Variants in IMMP2L observed in about 807,000 individuals in gnomAD.
IMMP2L encodes the protein inner mitochondrial membrane peptidase subunit 2.
In IMMP2L, 18 loss-of-function variants were observed where a neutral mutation model predicts 19.3. The ratio of observed to expected loss-of-function variants is 0.93; its 90% confidence interval spans 0.64 to 1.38. The LOEUF is 1.38. IMMP2L is among the 40% of genes most tolerant of loss of function. The probability of loss-of-function intolerance (pLI) is 0.00; values close to 1 mark genes in which losing one functional copy is unlikely to be tolerated. For synonymous variants in IMMP2L, 76 were observed against 73.0 expected, an observed-to-expected ratio of 1.04 and a Z score of -0.21; for missense variants, 233 against 218.2, an observed-to-expected ratio of 1.07 and a Z score of -0.43.
intron 3 of IMMP2L, among the ~76,000 whole-genome samples, chr7:111,278,138 G>T (rs1819304031): frequency 6.6e-6 from 1 of 152,058 alleles, no homozygotes; most frequent in South Asian, 2.1e-4. Flanking sequence ...CTCAATATTT[G>T]GGTGATGGGT....
At chr7:110,768,908 G>A (rs1798850689) in intron 5 of IMMP2L, among the ~76,000 whole-genome samples, 2 of 152,158 alleles carry the variant, frequency 1.3e-5, no homozygotes. Flanking sequence ...CTGAATAAAT[G>A]AAGGAGTTTT....
At chr7:111,405,977 A>G (rs1833872675) in intron 3 of IMMP2L, among the ~76,000 whole-genome samples, 1 of 152,064 alleles carries the variant, frequency 6.6e-6, no homozygotes, top group Non-Finnish European at 1.5e-5. Context: ...AAAAATTGCC[A>G]ATCTCTGTCT....
intron 3 of IMMP2L, among the ~76,000 whole-genome samples, chr7:111,475,824 C>T (rs1020613845): frequency 6.6e-6 from 1 of 152,134 alleles, no homozygotes; most frequent in Non-Finnish European, 1.5e-5. Flanking sequence ...ATTGCAACTA[C>T]AGACATAATC....
intron 5 of IMMP2L, among the ~76,000 whole-genome samples, chr7:110,681,250 T>C (rs1792694358): frequency 6.6e-6 from 1 of 152,098 alleles, no homozygotes; most frequent in African/African-American, 2.4e-5. Context: ...AACCTATTAC[T>C]GGCTCTTAAT....
At chr7:111,499,447 C>A (rs190336653) in intron 2 of IMMP2L, among the ~76,000 whole-genome samples, 1 of 152,074 alleles carries the variant, frequency 6.6e-6, no homozygotes, top group African/African-American at 2.4e-5. Context: ...GGATTCATAT[C>A]CGTTAATTCA....
intron 5 of IMMP2L, among the ~76,000 whole-genome samples, chr7:110,706,873 G>T (rs372632957): frequency 6.6e-6 from 1 of 151,186 alleles, no homozygotes; most frequent in Non-Finnish European, 1.5e-5. Flanking sequence ...GTCAATTTTT[G>T]TTTTTGCTGT....
chr7:111,172,910 G>C (rs1161429568), intron 3 of IMMP2L, among the ~76,000 whole-genome samples: 2 of 151,546 alleles, frequency 1.3e-5, no homozygotes, highest in African/African-American at 2.4e-5. Flanking sequence ...ATGGTATAAT[G>C]GTGGAAAAAC....
Position 111,292,003 on chromosome 7 carries a change from G to T in IMMP2L, c.239+195235C>A, listed in dbSNP as rs377745223. Among the ~76,000 whole-genome samples, 34 of 152,218 alleles carry T rather than the reference G, an allele frequency of 2.2e-4. No homozygotes were observed. In the South Asian group the frequency reaches 5.4e-3, roughly 24 times the overall value. The stretch of plus-strand genomic sequence containing the variant: ...ACTGTGGTGATTTAAGCTCTTTCTT[G>T]CCTGTCCCCCTGCAGTGAAGAAAGA... On this transcript the variant is annotated intron_variant, in intron 3 of 5. Transcript: ENST00000405709.
At chr7:111,531,579 T>C (rs1235882177) in intron 1 of IMMP2L, among the ~76,000 whole-genome samples, 1 of 152,152 alleles carries the variant, frequency 6.6e-6, no homozygotes, top group East Asian at 1.9e-4. Context: ...AAAAATCCTA[T>C]TAAATGATAA....
chr7:111,402,862 G>GT (rs11435412), intron 3 of IMMP2L, among the ~76,000 whole-genome samples: 152,216 of 152,216 alleles, frequency 1, 76,108 homozygotes, highest in Non-Finnish European at 1. Flanking sequence ...TGCCTTCATA[G>GT]TCCACGAACA....
At chr7:111,321,206 G>T (rs112174631) in intron 3 of IMMP2L, among the ~76,000 whole-genome samples, 1 of 151,832 alleles carries the variant, frequency 6.6e-6, no homozygotes, top group African/African-American at 2.4e-5. Flanking sequence ...ACCCTTATTT[G>T]CTCCTACGAT....
intron 2 of IMMP2L, among the ~76,000 whole-genome samples, chr7:111,507,056 G>T (rs1844983520): frequency 6.6e-6 from 1 of 151,356 alleles, no homozygotes; most frequent in African/African-American, 2.4e-5. Context: ...GCCCAGGTTG[G>T]TCTCAAACTC....
chr7:111,259,552 C>A (rs886897432), intron 3 of IMMP2L, among the ~76,000 whole-genome samples: 5 of 151,966 alleles, frequency 3.3e-5, no homozygotes, highest in African/African-American at 1.2e-4. Flanking sequence ...GGCAGGGGAT[C>A]TCTTGAGGCC....
At chr7:110,892,748 G>T (rs536896413) in intron 4 of IMMP2L, among the ~76,000 whole-genome samples, 47 of 152,096 alleles carry the variant, frequency 3.1e-4, no homozygotes, top group Admixed American at 2.0e-3. Context: ...AAATTAAATT[G>T]ACAATAGAGT....
chr7:111,338,335 T>A (rs1233934218), intron 3 of IMMP2L, among the ~76,000 whole-genome samples: 1 of 151,724 alleles, frequency 6.6e-6, no homozygotes, highest in Non-Finnish European at 1.5e-5. Context: ...CCTCCCCCCC[T>A]TTTTTTGCTA....
rs188697009 is a variant in IMMP2L at position 111,032,366 on chromosome 7, T to C, written c.240-68801A>G. Reference sequence around the variant, plus strand: ...CCTTGACAAATGACTTCATTAAAACTAAAAACTTCTGCTCTATGAAAAGCA... The same window carrying C: ...CCTTGACAAATGACTTCATTAAAACCAAAAACTTCTGCTCTATGAAAAGCA... On this transcript the variant is annotated intron_variant, in intron 3 of 5. Coordinates refer to ENST00000405709, the MANE Select transcript of IMMP2L (RefSeq NM_032549.4). Among the ~76,000 whole-genome samples, 360 of 152,216 alleles carry C rather than the reference T, an allele frequency of 2.4e-3. 3 individuals carry two copies. The highest frequency in any genetic ancestry group is 8.3e-3 in the African/African-American group (344 of 41,540).
At chr7:110,786,562 C>A (rs545493201) in intron 5 of IMMP2L, among the ~76,000 whole-genome samples, 68 of 152,044 alleles carry the variant, frequency 4.5e-4, no homozygotes, top group Admixed American at 3.7e-3. Flanking sequence ...AGCTGTTACA[C>A]CAAAGGCCTT....
At chr7:111,286,012 G>A (rs1436050238) in intron 3 of IMMP2L, among the ~76,000 whole-genome samples, 2 of 152,124 alleles carry the variant, frequency 1.3e-5, no homozygotes, top group Admixed American at 1.3e-4. Context: ...TACACTTGTA[G>A]GTTGTTATGT....
intron 3 of IMMP2L, among the ~76,000 whole-genome samples, chr7:111,226,897 A>C (rs371617736): frequency 6.6e-6 from 1 of 152,084 alleles, no homozygotes; most frequent in Admixed American, 6.6e-5. Context: ...AGAGAGCTAC[A>C]TAGAAAATAC....
Sources: allele counts gnomAD v4.1 joint callset (sites outside exome capture counted in the v4.1 genomes callset), GRCh38; gene constraint gnomAD v4.1.1; transcripts MANE v1.5; gene names NCBI Gene and HGNC (gene_info 2026-07-23, HGNC 2026-07-21).